GALNT18: variants seen among roughly 807,000 people sequenced by gnomAD.
The protein encoded by GALNT18 is polypeptide N-acetylgalactosaminyltransferase 18.
GALNT18 carries 44 observed loss-of-function variants against 69.5 expected under a neutral mutation model. The observed-to-expected ratio is 0.63, with a 90% CI of 0.50 to 0.81. The LOEUF is 0.81. Among genes scored for constraint, GALNT18 ranks in the 40% least tolerant of loss-of-function variants. The pLI is 0.00. For synonymous variants in GALNT18, 364 were observed against 318.2 expected (o/e 1.14, Z -1.53); for missense variants, 715 against 810.0 (o/e 0.88, Z 1.42).
At chr11:11,612,253 T>A in intron 1 of GALNT18, among the ~76,000 whole-genome samples, 1 of 152,232 alleles carries the variant, frequency 6.6e-6, no homozygotes, top group East Asian at 1.9e-4. Context: ...ATTTTATTTG[T>A]TCATTGAAAT....
intron 1 of GALNT18, among the ~76,000 whole-genome samples, chr11:11,535,101 C>T (rs898843135): frequency 7.2e-5 from 11 of 152,244 alleles, no homozygotes; most frequent in African/African-American, 2.4e-4. Flanking sequence ...CATCAGATCC[C>T]TTCCAAAGTC....
chr11:11,611,343 C>T (rs1859895286), intron 1 of GALNT18, among the ~76,000 whole-genome samples: 1 of 151,986 alleles, frequency 6.6e-6, no homozygotes, highest in African/African-American at 2.4e-5. Context: ...AATGCCAAAG[C>T]GGAAGGAATA....
chr11:11,397,037 G>C (rs1854348425), intron 3 of GALNT18, among the ~76,000 whole-genome samples: 1 of 152,128 alleles, frequency 6.6e-6, no homozygotes, highest in African/African-American at 2.4e-5. Context: ...AATGTGTGCA[G>C]ACACACACAT....
rs1859252763 is a variant in GALNT18 at position 11,587,392 on chromosome 11, C to G, written c.235+33967G>C. ...ACGTATGCTGACCCCATCAGCAAAG[C>G]AGGCTTCCCTTCAAGGAATCCGTTA... On this transcript the variant is annotated intron_variant, in intron 1 of 10. Transcript: ENST00000227756. The surrounding 1 kb of genome is among the most constrained non-coding windows in gnomAD (Gnocchi z 4.4). Among the ~76,000 whole-genome samples the G allele has an allele frequency of 6.6e-6, 1 of 152,200 alleles. No homozygotes were observed. Among genetic ancestry groups the G allele is most frequent in the African/African-American group, 2.4e-5 (1 of 41,456 alleles).
At chr11:11,417,293 G>A (rs1228334261) in intron 3 of GALNT18, among the ~76,000 whole-genome samples, 6 of 152,364 alleles carry the variant, frequency 3.9e-5, no homozygotes, top group African/African-American at 1.4e-4. Context: ...GCACAGAGGA[G>A]TGGCTAATTC....
rs758200872 is a variant in GALNT18, at chr11:11,352,305, A to G, written c.1093-11301T>C. On this transcript the variant is annotated intron_variant, in intron 6 of 10. Coordinates refer to ENST00000227756, the MANE Select transcript of GALNT18 (RefSeq NM_198516.3). ...TCGCTTTCGAGAGTGTCTGCCCAAG[A>G]TATCATTGAAACGTGGATCTAATTC... is the stretch of plus-strand genomic sequence containing the variant. 3.7e-6 allele frequency: 6 copies of G among 1,614,116 alleles called. No homozygotes were observed. In the Admixed American group the frequency reaches 6.7e-5, roughly 18 times the overall value.
intron 1 of GALNT18, among the ~76,000 whole-genome samples, chr11:11,457,751 T>C (rs118112423): frequency 6.6e-6 from 1 of 152,204 alleles, no homozygotes. Context: ...TTCTTGTTTC[T>C]TGTGGTTTAC....
intron 10 of GALNT18, among the ~76,000 whole-genome samples, chr11:11,287,498 C>T (rs948602156): frequency 1.3e-5 from 2 of 152,146 alleles, no homozygotes; most frequent in Non-Finnish European, 2.9e-5. Flanking sequence ...TGATATTTGC[C>T]TCTTCCCTCT....
chr11:11,393,814 G>A (rs1461147053), intron 3 of GALNT18, among the ~76,000 whole-genome samples: 6 of 152,184 alleles, frequency 3.9e-5, no homozygotes, highest in South Asian at 2.1e-4. Flanking sequence ...AACATACATC[G>A]TCATAGTCCT....
At chr11:11,612,926 A>G (rs1859948000) in intron 1 of GALNT18, among the ~76,000 whole-genome samples, 1 of 152,194 alleles carries the variant, frequency 6.6e-6, no homozygotes, top group Non-Finnish European at 1.5e-5. Flanking sequence ...CCAGCAAAGT[A>G]TGCCTGTTGG....
chr11:11,426,835 G>A (rs1855144204), intron 3 of GALNT18, among the ~76,000 whole-genome samples: 1 of 152,174 alleles, frequency 6.6e-6, no homozygotes, highest in African/African-American at 2.4e-5. Flanking sequence ...CAGATATGGA[G>A]CAGGGTAGAG....
intron 9 of GALNT18, among the ~76,000 whole-genome samples, chr11:11,293,559 G>GAGAC (rs1234826677): frequency 4.8e-5 from 1 of 20,928 alleles, no homozygotes; most frequent in Admixed American, 5.9e-4. Context: ...TTTTTTTTTG[G>GAGAC]AGACAGAGTC....
At position 11,584,902 on chromosome 11, in the gene GALNT18, C is replaced by G. The variant is rs1372531168; in HGVS notation, c.235+36457G>C. Among the ~76,000 whole-genome samples the G allele has an allele frequency of 6.6e-6, 1 of 152,084 alleles. No individual in the cohort carries two copies. The highest frequency in any genetic ancestry group is 1.5e-5 in the Non-Finnish European group (1 of 68,020). On this transcript the variant is annotated intron_variant, in intron 1 of 10. Transcript: ENST00000227756. The surrounding 1 kb of genome is among the most constrained non-coding windows in gnomAD (Gnocchi z 4.1). ...GGAAAATAAGTGATAATATTTTTCC[C>G]CAGTGATAAAATCCAAGCTTTTAAG...
chr11:11,338,043 C>T lies in GALNT18; in HGVS notation c.1278+2776G>A, dbSNP rs1364331566. On this transcript the variant is annotated intron_variant, in intron 7 of 10. Coordinates refer to ENST00000227756, the MANE Select transcript of GALNT18 (RefSeq NM_198516.3). The surrounding 1 kb of genome is among the most constrained non-coding windows in gnomAD (Gnocchi z 5.3). ...AGTGCAGTGGCACGATCTCAGCTCA[C>T]TGGGACCTCCGCCTCCCAGGTTAAA... Among the ~76,000 whole-genome samples, 4 of 149,808 alleles carry T rather than the reference C, an allele frequency of 2.7e-5. No homozygotes were observed. Among genetic ancestry groups the T allele is most frequent in the African/African-American group, 9.9e-5 (4 of 40,606 alleles).
At position 11,459,242 on chromosome 11, in the gene GALNT18, C is replaced by T. The variant is rs1273192922; in HGVS notation, c.236-10306G>A. 2.0e-5 allele frequency among the ~76,000 whole-genome samples: 3 copies of T among 152,108 alleles called. No homozygotes were observed. Among genetic ancestry groups the T allele is most frequent in the Non-Finnish European group, 4.4e-5 (3 of 68,018 alleles). On this transcript the variant is annotated intron_variant, in intron 1 of 10. Coordinates refer to ENST00000227756, the MANE Select transcript of GALNT18 (RefSeq NM_198516.3). This position sits in a 1 kb window ranked among gnomAD's most constrained non-coding sequence, Gnocchi z 5.0. ...CCGAAGGTCTTTTGCCAATGGTCCC[C>T]ACAATTAGGCTTTCTCTTCCTGGAA...
chr11:11,490,554 A>C (rs1564975883), intron 1 of GALNT18, among the ~76,000 whole-genome samples: 1 of 152,220 alleles, frequency 6.6e-6, no homozygotes, highest in Non-Finnish European at 1.5e-5. Flanking sequence ...TTAAACACAT[A>C]AGAAATGAAT....
intron 1 of GALNT18, among the ~76,000 whole-genome samples, chr11:11,504,552 T>A (rs1284993818): frequency 6.6e-6 from 1 of 151,580 alleles, no homozygotes; most frequent in Non-Finnish European, 1.5e-5. Flanking sequence ...AGCTCAGGAG[T>A]TCCAGACCAG....
At chr11:11,297,947 C>G (rs763651259) in intron 9 of GALNT18, among the ~76,000 whole-genome samples, 1 of 152,240 alleles carries the variant, frequency 6.6e-6, no homozygotes, top group South Asian at 2.1e-4. Flanking sequence ...CTGGATCTTA[C>G]GCTAGTGGCA....
chr11:11,504,529 G>A (rs1233845642), intron 1 of GALNT18, among the ~76,000 whole-genome samples: 1 of 152,102 alleles, frequency 6.6e-6, no homozygotes, highest in Admixed American at 6.5e-5. Context: ...GGCTGAGGCA[G>A]GTGGATTGCT....
Sources: allele counts gnomAD v4.1 joint callset (sites outside exome capture counted in the v4.1 genomes callset), GRCh38; gene constraint gnomAD v4.1.1; non-coding constraint Gnocchi (gnomAD v3.1); transcripts MANE v1.5; gene names NCBI Gene and HGNC (gene_info 2026-07-23, HGNC 2026-07-21).